Variants in SLC8A2 observed in about 807,000 individuals in gnomAD.
SLC8A2 encodes the protein sodium/calcium exchanger 2.
A neutral mutation model predicts 70.2 loss-of-function variants in SLC8A2; 14 were observed. That is an observed-to-expected ratio of 0.20 (90% CI 0.13 to 0.31). The LOEUF is 0.31. Among genes scored for constraint, SLC8A2 ranks in the 10% least tolerant of loss-of-function variants. SLC8A2 has a pLI of 1.00. For missense variants in SLC8A2, 779 were observed against 1,320.1 expected (o/e 0.59, Z 6.35); for synonymous variants, 575 against 594.3 (o/e 0.97, Z 0.47).
chr19:47,442,068 C>T (rs1391639015), intron 4 of SLC8A2, among the ~76,000 whole-genome samples: 1 of 152,112 alleles, frequency 6.6e-6, no homozygotes, highest in Non-Finnish European at 1.5e-5. Flanking sequence ...TGCCACTGCA[C>T]TCCAGCCTGG....
At chr19:47,431,973 G>C (rs1482272604) in intron 9 of SLC8A2, 194 bp downstream of exon 9, 1 of 483,524 alleles carries the variant, frequency 2.1e-6, no homozygotes, top group African/African-American at 2.0e-5. Context: ...GGGTGCTTTT[G>C]GGGAGGATTC....
chr19:47,460,823 G>A (rs1275256497), intron 2 of SLC8A2, among the ~76,000 whole-genome samples: 1 of 152,188 alleles, frequency 6.6e-6, no homozygotes, highest in Non-Finnish European at 1.5e-5. Context: ...CTGGCACATG[G>A]AAAGCATCCA....
At chr19:47,469,481 A>G (rs949975393) in intron 1 of SLC8A2, among the ~76,000 whole-genome samples, 7 of 152,102 alleles carry the variant, frequency 4.6e-5, no homozygotes, top group Admixed American at 3.9e-4. Flanking sequence ...AGTCCTCAAG[A>G]GAGACCACAG....
chr19:47,430,174 G>A lies in SLC8A2; in HGVS notation c.2681C>T (p.Ala894Val), dbSNP rs1966936218. ...ELGGPRGPKL[A>V]TTALFLGLWL... The stretch of plus-strand genomic sequence containing the variant: ...GAGGCCCAGGAAGAGCGCGGTGGTG[G>A]CGAGCTTGGGTCCGCGCGGGCCGCC... The change falls in exon 10 of 10, where the codon GCC (alanine) becomes GTC (valine). Residue 894 changes from alanine (A) to valine (V), a missense_variant. Physicochemically the swap from Ala to Val is moderately conservative, Grantham distance 64. Coordinates refer to ENST00000236877, the MANE Select transcript of SLC8A2 (RefSeq NM_015063.3). The surrounding 1 kb of genome is among the most constrained non-coding windows in gnomAD (Gnocchi z 5.9). The A allele has an allele frequency of 3.8e-6, 6 of 1,598,982 alleles. No individual in the cohort carries two copies. The highest frequency in any genetic ancestry group is 5.1e-6 in the Non-Finnish European group (6 of 1,172,872).
intron 3 of SLC8A2, among the ~76,000 whole-genome samples, chr19:47,452,400 G>T (rs1599853515): frequency 3.6e-4 from 14 of 38,388 alleles, no homozygotes; most frequent in African/African-American, 1.3e-3. Context: ...TATATATGGA[G>T]AGAGAGAGAG....
chr19:47,455,975 C>T (rs756253402), intron 3 of SLC8A2, among the ~76,000 whole-genome samples: 2 of 152,204 alleles, frequency 1.3e-5, no homozygotes, highest in African/African-American at 4.8e-5. Context: ...TTATTTTCCT[C>T]CATAGCACTT....
rs750006588 is a variant in SLC8A2 at position 47,429,909 on chromosome 19, G to C, written c.*180C>G. ...GAGGCTCCCGAGAGGAAGAGGGAAGGCTGAGCTACTGGGGACACAGAACAG... is the reference window on the plus strand; with the variant it reads ...GAGGCTCCCGAGAGGAAGAGGGAAGCCTGAGCTACTGGGGACACAGAACAG... On this transcript the variant is annotated 3_prime_UTR_variant, in exon 10 of 10. Transcript: ENST00000236877. The C allele has an allele frequency of 2.1e-5, 13 of 627,230 alleles. No individual in the cohort carries two copies. Among genetic ancestry groups the C allele is most frequent in the Non-Finnish European group, 3.3e-5 (12 of 369,116 alleles). The allele number at this position is 627,230 out of a possible 1,614,324, so 38.9% of individuals were successfully genotyped here.
In SLC8A2 at chr19:47,465,694, A is replaced by G. The variant is rs751372547; in HGVS notation, c.675+35T>C. Reference sequence around the variant, plus strand: ...ACCTCTCTGGATTTTGCAGACACACATGCACCAAGAAAGCATCTATGCGTC... The same window carrying G: ...ACCTCTCTGGATTTTGCAGACACACGTGCACCAAGAAAGCATCTATGCGTC... On this transcript the variant is annotated intron_variant, in intron 2 of 9. Coordinates refer to ENST00000236877, the MANE Select transcript of SLC8A2 (RefSeq NM_015063.3). The surrounding 1 kb of genome is among the most constrained non-coding windows in gnomAD (Gnocchi z 5.5). 2 of 1,546,340 alleles carry G rather than the reference A, an allele frequency of 1.3e-6. No individual in the cohort carries two copies. The highest frequency in any genetic ancestry group is 2.3e-5 in the East Asian group (1 of 43,652).
At chr19:47,467,308 G>T (rs1172319459) in intron 1 of SLC8A2, among the ~76,000 whole-genome samples, 1 of 152,196 alleles carries the variant, frequency 6.6e-6, no homozygotes, top group Non-Finnish European at 1.5e-5. Context: ...TGAGAGGCAG[G>T]GAGCAGGAGG....
At chr19:47,453,221 A>C (rs1226745259) in intron 3 of SLC8A2, among the ~76,000 whole-genome samples, 1 of 152,190 alleles carries the variant, frequency 6.6e-6, no homozygotes, top group African/African-American at 2.4e-5. Flanking sequence ...AACTTAGAAA[A>C]AGAAAAAGGC....
intron 3 of SLC8A2, among the ~76,000 whole-genome samples, chr19:47,451,490 G>A (rs1037095502): frequency 6.6e-6 from 1 of 151,798 alleles, no homozygotes; most frequent in Non-Finnish European, 1.5e-5. Flanking sequence ...TATACTTTTG[G>A]TAGACATGGG....
In SLC8A2 at chr19:47,447,777, G is replaced by C; in HGVS notation, c.1763+32C>G. The stretch of plus-strand genomic sequence containing the variant: ...CAGGCCTCGCCCATTCCGAAGCCCC[G>C]CCCCTCTCCGGGCCGCCTCGGGCGT... On this transcript the variant is annotated intron_variant, in intron 4 of 9. Coordinates refer to ENST00000236877, the MANE Select transcript of SLC8A2 (RefSeq NM_015063.3). The surrounding 1 kb of genome is among the most constrained non-coding windows in gnomAD (Gnocchi z 5.1). 1 of 1,549,120 alleles carries C rather than the reference G, an allele frequency of 6.5e-7. No homozygotes were observed. Among genetic ancestry groups the C allele is most frequent in the Non-Finnish European group, 8.6e-7 (1 of 1,159,608 alleles).
At chr19:47,438,028 G>A in intron 6 of SLC8A2, 55 bp from the exon 7 acceptor site, 4 of 1,607,808 alleles carry the variant, frequency 2.5e-6, no homozygotes, top group Non-Finnish European at 3.4e-6. Flanking sequence ...AATTGGGCCT[G>A]TGACGCCTTT....
rs1967319154 is a variant in SLC8A2 at position 47,457,334 on chromosome 19, G to A, written c.936C>T (p.Arg312=). ...PAEARELDAS[R]REVIQILKDL... is the part of the protein sequence containing the mutation. ...CCTTGAGGATCTGGATGACCTCGCG[G>A]CGGCTGGCGTCCAGCTCGCGCGCCT... Residue 312 remains arginine (R), a synonymous_variant, in exon 3 of 10, where the codon CGC becomes CGT. Coordinates refer to ENST00000236877, the MANE Select transcript of SLC8A2 (RefSeq NM_015063.3). The A allele has an allele frequency of 6.5e-7, 1 of 1,542,370 alleles. No individual in the cohort carries two copies. The highest frequency in any genetic ancestry group is 2.0e-5 in the Admixed American group (1 of 50,160).
intron 4 of SLC8A2, among the ~76,000 whole-genome samples, chr19:47,442,292 TC>T (rs1967108953): frequency 6.6e-6 from 1 of 152,126 alleles, no homozygotes; most frequent in Admixed American, 6.6e-5. Context: ...CACAGTCTGT[TC>T]CTTCAAGAGC....
In SLC8A2 at chr19:47,466,253, G is replaced by A. The variant is rs1428058157; in HGVS notation, c.151C>T (p.Pro51Ser). ...TCCCACACGGGCAGCAGCACCCCCG[G>A]CTGGCAGCGGTAGGACCCCTGGCAG... ...GGCQGSYRCQ[P>S]GVLLPVWEPD... is the part of the protein sequence containing the mutation. Residue 51 changes from proline (P) to serine (S), a missense_variant, in exon 2 of 10, where the codon CCG (proline) becomes TCG (serine). By Grantham distance (74) the Pro-to-Ser change is moderately conservative. Transcript: ENST00000236877. The surrounding 1 kb of genome is among the most constrained non-coding windows in gnomAD (Gnocchi z 6.9). The A allele has an allele frequency of 1.3e-6, 2 of 1,593,788 alleles. No individual in the cohort carries two copies. The highest frequency in any genetic ancestry group is 1.7e-5 in the Admixed American group (1 of 58,670).
chr19:47,432,384 G>A lies in SLC8A2; in HGVS notation c.2172C>T (p.Tyr724=), dbSNP rs1351687570. Residue 724 remains tyrosine (Y), a synonymous_variant, in exon 9 of 10, where the codon TAC becomes TAT. Coordinates refer to ENST00000236877, the MANE Select transcript of SLC8A2 (RefSeq NM_015063.3). The surrounding 1 kb of genome is among the most constrained non-coding windows in gnomAD (Gnocchi z 6.2). ...REERLPSCFD[Y]VMHFLTVFWK... is the part of the protein sequence containing the mutation. The stretch of plus-strand genomic sequence containing the variant: ...AGAACACCGTCAGGAAGTGCATCAC[G>A]TAGTCAAAGCACGACGGCAGCCGCT... The A allele has an allele frequency of 5.0e-6, 8 of 1,613,402 alleles. No homozygotes were observed. The East Asian group carries it at 8.9e-5, about 18-fold the overall frequency.
intron 2 of SLC8A2, among the ~76,000 whole-genome samples, chr19:47,462,901 A>G (rs183183624): frequency 6.6e-6 from 1 of 151,928 alleles, no homozygotes; most frequent in East Asian, 2.0e-4. Flanking sequence ...TGTATATCTT[A>G]TATGAAGTAT....
chr19:47,432,471 C>T lies in SLC8A2; in HGVS notation c.2111-26G>A. 3 of 1,551,786 alleles carry T rather than the reference C, an allele frequency of 1.9e-6. No homozygotes were observed. Among genetic ancestry groups the T allele is most frequent in the Non-Finnish European group, 1.7e-6 (2 of 1,149,350 alleles). On this transcript the variant is annotated intron_variant, in intron 8 of 9. Transcript: ENST00000236877. The surrounding 1 kb of genome is among the most constrained non-coding windows in gnomAD (Gnocchi z 6.2). ...CTGTGGGCACACGACCCAGCTGGGG[C>T]ATACACTCAGACTTCCTTCCTTGCC...
Sources: gnomAD v4.1 joint callset for allele counts (sites outside exome capture counted in the v4.1 genomes callset) on GRCh38, gnomAD v4.1.1 for gene constraint, Gnocchi (gnomAD v3.1) non-coding constraint, MANE v1.5 for transcripts, NCBI Gene and HGNC (gene_info 2026-07-23, HGNC 2026-07-21) for gene names.